The following UBE2V2 variants were observed in gnomAD, a reference collection of about 807,000 sequenced individuals.
UBE2V2 encodes ubiquitin-conjugating enzyme E2 variant 2.
In UBE2V2, 9 loss-of-function variants were observed where a neutral mutation model predicts 17.2. That is an observed-to-expected ratio of 0.52 (90% confidence interval 0.32 to 0.91). UBE2V2 has a LOEUF of 0.91. Among genes scored for constraint, UBE2V2 ranks in the 40% least tolerant of loss-of-function variants. UBE2V2 has a pLI of 0.04. For missense variants in UBE2V2, 133 were observed against 182.6 expected, an observed-to-expected ratio of 0.73 and a Z score of 1.56; for synonymous variants, 61 against 57.5, an observed-to-expected ratio of 1.06 and a Z score of -0.28.
intron 1 of UBE2V2, among the ~76,000 whole-genome samples, chr8:48,037,648 A>G (rs1158468673): frequency 6.6e-6 from 1 of 152,190 alleles, no homozygotes; most frequent in African/African-American, 2.4e-5. Context: ...AAGCTCCACA[A>G]GAGCAGGACT....
At chr8:48,041,159 C>T (rs1290451288) in intron 1 of UBE2V2, among the ~76,000 whole-genome samples, 3 of 147,646 alleles carry the variant, frequency 2.0e-5, no homozygotes, top group Admixed American at 6.8e-5. Flanking sequence ...CCACTGTGCC[C>T]GGCCTTTTTT....
At chr8:48,043,903 T>C (rs45466795) in intron 2 of UBE2V2, among the ~76,000 whole-genome samples, 47 of 152,160 alleles carry the variant, frequency 3.1e-4, no homozygotes, top group African/African-American at 1.1e-3. Flanking sequence ...CAAAGTCTTT[T>C]AGTCTTTTTT....
At chr8:48,034,574 C>G in intron 1 of UBE2V2, among the ~76,000 whole-genome samples, 1 of 142,716 alleles carries the variant, frequency 7.0e-6, no homozygotes, top group South Asian at 2.4e-4. Context: ...CCCCACCCCC[C>G]CTTTTTTTTT....
intron 2 of UBE2V2, among the ~76,000 whole-genome samples, chr8:48,047,102 C>T (rs543925755): frequency 3.2e-4 from 48 of 151,788 alleles, no homozygotes; most frequent in South Asian, 2.1e-4. Context: ...ACACCATGCC[C>T]GGCTAATTTT....
intron 1 of UBE2V2, among the ~76,000 whole-genome samples, chr8:48,019,640 C>T (rs573107521): frequency 6.6e-6 from 1 of 151,824 alleles, no homozygotes; most frequent in African/African-American, 2.4e-5. Flanking sequence ...CATGGTGAAA[C>T]CCCGTCTCTA....
chr8:48,037,378 C>G (rs1379513981), intron 1 of UBE2V2, among the ~76,000 whole-genome samples: 1 of 152,216 alleles, frequency 6.6e-6, no homozygotes, highest in Non-Finnish European at 1.5e-5. Flanking sequence ...GCCTCTTCTC[C>G]CCAGGGCAGT....
chr8:48,014,010 G>T (rs189169190), intron 1 of UBE2V2, among the ~76,000 whole-genome samples: 18 of 152,320 alleles, frequency 1.2e-4, no homozygotes, highest in African/African-American at 3.8e-4. Flanking sequence ...CGGGTGTGGT[G>T]ATAGAAGAGA....
chr8:48,023,761 A>G (rs1002288900), intron 1 of UBE2V2, among the ~76,000 whole-genome samples: 2 of 152,040 alleles, frequency 1.3e-5, no homozygotes, highest in Non-Finnish European at 2.9e-5. Flanking sequence ...TTATAGCTCC[A>G]GCTACTTGGG....
At chr8:48,023,679 C>T (rs1198205189) in intron 1 of UBE2V2, among the ~76,000 whole-genome samples, 3 of 151,926 alleles carry the variant, frequency 2.0e-5, no homozygotes, top group Admixed American at 2.0e-4. Context: ...TGAGACCAGC[C>T]TGGCCAACAT....
intron 1 of UBE2V2, among the ~76,000 whole-genome samples, chr8:48,013,612 A>G (rs901044872): frequency 6.6e-6 from 1 of 152,094 alleles, no homozygotes; most frequent in African/African-American, 2.4e-5. Context: ...CCCGGCCCAC[A>G]TGAAACGTTT....
At chr8:48,049,054 A>G (rs1450923542) in intron 2 of UBE2V2, among the ~76,000 whole-genome samples, 1 of 152,144 alleles carries the variant, frequency 6.6e-6, no homozygotes, top group Non-Finnish European at 1.5e-5. Flanking sequence ...CATAGCAGAA[A>G]GAAGAGTTAA....
At chr8:48,013,598 C>T (rs767187411) in intron 1 of UBE2V2, among the ~76,000 whole-genome samples, 16 of 152,132 alleles carry the variant, frequency 1.1e-4, no homozygotes, top group Non-Finnish European at 1.6e-4. Context: ...CGTGAGCCAC[C>T]GCGCCCGGCC....
rs560402815 is a variant in UBE2V2 at position 48,064,478 on chromosome 8, A to G, written c.*3650A>G. On this transcript the variant is annotated 3_prime_UTR_variant, in exon 4 of 4. Coordinates refer to ENST00000523111, the MANE Select transcript of UBE2V2 (RefSeq NM_003350.3). ...GATACTGAGTTTACTGTAAAATAGG[A>G]AATGCATAGGAAGGAATACCTCCTA... is the stretch of plus-strand genomic sequence containing the variant. 9 of 152,328 alleles carry G rather than the reference A, an allele frequency of 5.9e-5. No homozygotes were observed. The highest frequency in any genetic ancestry group is 1.9e-4 in the African/African-American group (8 of 41,584). The allele number at this position is 152,328 out of a possible 1,614,324, so 9.4% of individuals were successfully genotyped here. A position where few individuals can be genotyped will look rare whatever the true frequency, so the allele number is the denominator to read the frequency against.
rs910093443 is a variant in UBE2V2, at chr8:48,019,010, C to T, written c.16+10540C>T. Among the ~76,000 whole-genome samples, 3 of 151,868 alleles carry T rather than the reference C, an allele frequency of 2.0e-5. No individual in the cohort carries two copies. In the South Asian group the frequency reaches 6.2e-4, roughly 31 times the overall value. On this transcript the variant is annotated intron_variant, in intron 1 of 3. Transcript: ENST00000523111. ...CTTTGGGAGGCCGAGGCGGGCGGAT[C>T]ACTTGAGATCAGGAGTTCAAGACCA...
the UBE2V2 span, among the ~76,000 whole-genome samples, chr8:47,999,363 T>C: frequency 7.5e-4 from 104 of 139,062 alleles, no homozygotes; most frequent in South Asian, 1.6e-3. Context: ...AGACTTCCCC[T>C]TTTTTTTTTT....
chr8:48,054,030 C>T (rs552862931), intron 3 of UBE2V2, among the ~76,000 whole-genome samples: 55 of 152,070 alleles, frequency 3.6e-4, no homozygotes, highest in Non-Finnish European at 7.5e-4. Context: ...GTGTTCAACT[C>T]CTGACCTCAG....
chr8:48,017,825 T>G (rs949810369), intron 1 of UBE2V2, among the ~76,000 whole-genome samples: 1 of 151,728 alleles, frequency 6.6e-6, no homozygotes, highest in African/African-American at 2.4e-5. Context: ...CTTCCTGTTT[T>G]CTAGTAGTTT....
chr8:48,040,278 C>T (rs932487434), intron 1 of UBE2V2, among the ~76,000 whole-genome samples: 2 of 152,080 alleles, frequency 1.3e-5, no homozygotes, highest in Non-Finnish European at 2.9e-5. Context: ...CATTCTTCAA[C>T]TAGGACATTT....
intron 3 of UBE2V2, 27 bp from the exon 4 acceptor site, chr8:48,060,655 T>C (rs759506393): frequency 7.1e-7 from 1 of 1,412,276 alleles, no homozygotes; most frequent in Non-Finnish European, 9.3e-7. Flanking sequence ...ACTTGCTAGT[T>C]AACTGTACTC....
Sources: allele counts gnomAD v4.1 joint callset (sites outside exome capture counted in the v4.1 genomes callset), GRCh38; gene constraint gnomAD v4.1.1; transcripts MANE v1.5; gene names NCBI Gene and HGNC (gene_info 2026-07-23, HGNC 2026-07-21).